MAP2: variants seen among roughly 807,000 people sequenced by gnomAD.
The protein encoded by MAP2 is microtubule-associated protein 2.
In MAP2, 14 loss-of-function variants were observed where a neutral mutation model predicts 137.6. The ratio of observed to expected loss-of-function variants is 0.10; its 90% CI spans 0.07 to 0.16. The LOEUF (loss-of-function observed/expected upper bound fraction) is 0.16, where lower values mean the gene tolerates loss of function less well. MAP2 is among the 10% of genes least tolerant of loss of function. The pLI is 1.00. For synonymous variants in MAP2, 786 were observed against 782.3 expected (o/e 1.00, Z -0.08); for missense variants, 2,088 against 2,191.5 (o/e 0.95, Z 0.94).
chr2:209,434,025 G>C (rs559070262), intron 1 of MAP2, among the ~76,000 whole-genome samples: 1 of 152,020 alleles, frequency 6.6e-6, no homozygotes, highest in Non-Finnish European at 1.5e-5. Flanking sequence ...CACACATTTT[G>C]CTTCTTAGAG....
chr2:209,706,148 A>G (rs1584119378), intron 12 of MAP2, among the ~76,000 whole-genome samples: 2 of 152,114 alleles, frequency 1.3e-5, no homozygotes, highest in African/African-American at 4.8e-5. Context: ...AAAACTTAGG[A>G]TCCTGTTCAA....
At chr2:209,697,917 C>T (rs1273873331) in intron 10 of MAP2, among the ~76,000 whole-genome samples, 1 of 152,084 alleles carries the variant, frequency 6.6e-6, no homozygotes, top group African/African-American at 2.4e-5. Context: ...GGCACGACCT[C>T]GGCTCACTGA....
At chr2:209,666,195 A>T (rs1303194077) in intron 5 of MAP2, among the ~76,000 whole-genome samples, 1 of 152,174 alleles carries the variant, frequency 6.6e-6, no homozygotes, top group Non-Finnish European at 1.5e-5. Context: ...ACTGGAACAC[A>T]AATGCTGACC....
chr2:209,497,569 G>T (rs2059901445), intron 1 of MAP2, among the ~76,000 whole-genome samples: 1 of 152,158 alleles, frequency 6.6e-6, no homozygotes, highest in African/African-American at 2.4e-5. Flanking sequence ...GGTTTAATTG[G>T]CTCACAGTTC....
intron 5 of MAP2, among the ~76,000 whole-genome samples, chr2:209,666,859 T>C (rs576938932): frequency 6.6e-6 from 1 of 152,054 alleles, no homozygotes; most frequent in East Asian, 1.9e-4. Flanking sequence ...ATTTTTAAAG[T>C]AAATTTTATA....
At chr2:209,606,503 G>A (rs2084807628) in intron 3 of MAP2, among the ~76,000 whole-genome samples, 2 of 151,966 alleles carry the variant, frequency 1.3e-5, no homozygotes, top group South Asian at 4.2e-4. Flanking sequence ...TCCAGCCTTG[G>A]CAATAGAGTA....
At chr2:209,485,582 G>A (rs1166808334) in intron 1 of MAP2, among the ~76,000 whole-genome samples, 1 of 152,162 alleles carries the variant, frequency 6.6e-6, no homozygotes, top group Non-Finnish European at 1.5e-5. Flanking sequence ...TGGGAAGCAG[G>A]TGTCACGCTG....
At chr2:209,634,498 A>G (rs2093385390) in intron 4 of MAP2, among the ~76,000 whole-genome samples, 1 of 152,096 alleles carries the variant, frequency 6.6e-6, no homozygotes, top group South Asian at 2.1e-4. Flanking sequence ...GGAAAAGACC[A>G]AGGAGGAGCA....
At chr2:209,564,555 G>GT (rs1421523682) in intron 2 of MAP2, among the ~76,000 whole-genome samples, 2 of 87,026 alleles carry the variant, frequency 2.3e-5, no homozygotes, top group Non-Finnish European at 4.0e-5. Context: ...GCTCTGTGGA[G>GT]TAAAAAAAAA....
chr2:209,696,647 A>T lies in MAP2; in HGVS notation c.4286A>T (p.Lys1429Met). The T allele has an allele frequency of 1.2e-6, 2 of 1,613,956 alleles. No individual in the cohort carries two copies. Among genetic ancestry groups the T allele is most frequent in the Non-Finnish European group, 1.7e-6 (2 of 1,179,904 alleles). The change falls in exon 9 of 16, where the codon AAG becomes ATG. Residue 1429 changes from lysine to methionine, a missense_variant. Transcript: ENST00000682079. ...TCTCTTGAGAAACATAGAAAAGAAA[A>T]GCCTTTTAAAACCGGGAGAGGCAGA... ...RSSLEKHRKEKPFKTGRGRIS... is the reference protein window; with the variant it reads ...RSSLEKHRKEMPFKTGRGRIS...
At chr2:209,684,117 A>G (rs1222453020) in intron 7 of MAP2, among the ~76,000 whole-genome samples, 2 of 152,212 alleles carry the variant, frequency 1.3e-5, no homozygotes, top group African/African-American at 2.4e-5. Flanking sequence ...TGATGTTTTC[A>G]AATTAACCTC....
chr2:209,721,687 C>T (rs2071040366), intron 13 of MAP2, among the ~76,000 whole-genome samples: 1 of 152,102 alleles, frequency 6.6e-6, no homozygotes, highest in Non-Finnish European at 1.5e-5. Flanking sequence ...TTTAGAATTT[C>T]CATTTTTGTA....
intron 3 of MAP2, among the ~76,000 whole-genome samples, chr2:209,610,280 G>A (rs887132690): frequency 2.0e-5 from 3 of 152,046 alleles, no homozygotes; most frequent in South Asian, 2.1e-4. Context: ...GGAGAGGAGA[G>A]GGTAGGGGAA....
At position 209,696,928 on chromosome 2, in the gene MAP2, A is replaced by G; in HGVS notation, c.4399A>G (p.Lys1467Glu). ...EVRRKKAVYK[K>E]AELAKKTEVQ... ...TTTCTTATTCATAGCAGTTTATAAG[A>G]AGGCTGAACTTGCTAAAAAAACAGA... The change falls in exon 10 of 16, where the codon AAG (lysine) becomes GAG (glutamate). Residue 1467 changes from lysine (K) to glutamate (E), a missense_variant. This residue lies in a region of MAP2 where 591 missense variants were observed against 642.6 expected (regional missense o/e 0.92). Transcript: ENST00000682079. 6.3e-7 allele frequency: 1 copy of G among 1,599,382 alleles called. No individual in the cohort carries two copies. The highest frequency in any genetic ancestry group is 2.2e-5 in the East Asian group (1 of 44,798).
At chr2:209,448,679 T>C (rs1379639915) in intron 1 of MAP2, among the ~76,000 whole-genome samples, 1 of 152,130 alleles carries the variant, frequency 6.6e-6, no homozygotes, top group Admixed American at 6.6e-5. Context: ...ATCACTCCAA[T>C]CTTTGCCTCC....
intron 5 of MAP2, among the ~76,000 whole-genome samples, chr2:209,668,113 C>T (rs982549805): frequency 6.6e-6 from 1 of 152,134 alleles, no homozygotes; most frequent in Admixed American, 6.6e-5. Context: ...ATTTCAATAA[C>T]AAGTTACAGT....
chr2:209,615,895 G>A (rs1187933448), intron 3 of MAP2, among the ~76,000 whole-genome samples: 1 of 151,958 alleles, frequency 6.6e-6, no homozygotes, highest in African/African-American at 2.4e-5. Context: ...TTCACTTTAA[G>A]CTTTTCTGCA....
At chr2:209,707,532 G>T (rs1009174236) in intron 12 of MAP2, among the ~76,000 whole-genome samples, 1 of 152,078 alleles carries the variant, frequency 6.6e-6, no homozygotes, top group Non-Finnish European at 1.5e-5. Flanking sequence ...AAGCTCATCC[G>T]CCCAAGAGGA....
At chr2:209,631,334 C>G (rs955979399) in intron 4 of MAP2, among the ~76,000 whole-genome samples, 3 of 152,124 alleles carry the variant, frequency 2.0e-5, no homozygotes, top group African/African-American at 7.2e-5. Flanking sequence ...AAAGACCACT[C>G]TTCTACAAAA....
Sources: gnomAD v4.1 joint callset for allele counts (sites outside exome capture counted in the v4.1 genomes callset) on GRCh38, gnomAD v4.1.1 for gene constraint, gnomAD v4.1.1 regional missense constraint, MANE v1.5 for transcripts, NCBI Gene and HGNC (gene_info 2026-07-23, HGNC 2026-07-21) for gene names.